Variants in NAPB observed in about 807,000 individuals in gnomAD.
NAPB encodes the protein beta-soluble NSF attachment protein.
A neutral mutation model predicts 44.7 loss-of-function variants in NAPB; 26 were observed. The observed-to-expected ratio is 0.58, with a 90% confidence interval of 0.43 to 0.81. The LOEUF (loss-of-function observed/expected upper bound fraction) is 0.81, where lower values mean the gene tolerates loss of function less well. Ranked by LOEUF, NAPB falls within the 30% of genes least tolerant of loss-of-function variation. NAPB has a pLI of 0.00. For missense variants in NAPB, 315 were observed against 356.4 expected (o/e 0.88, Z 0.94); for synonymous variants, 120 against 116.8 (o/e 1.03, Z -0.18).
intron 1 of NAPB, among the ~76,000 whole-genome samples, chr20:23,404,608 T>C (rs1985101407): frequency 6.6e-6 from 1 of 152,242 alleles, no homozygotes. Context: ...GGAGTTATTA[T>C]GAGGATCAAA....
At chr20:23,391,754 C>T (rs1052149475) in intron 5 of NAPB, among the ~76,000 whole-genome samples, 2 of 152,312 alleles carry the variant, frequency 1.3e-5, no homozygotes, top group South Asian at 4.1e-4. Flanking sequence ...ATAATTTTTA[C>T]ACGTCGCAAA....
chr20:23,391,069 C>T (rs569307106), intron 5 of NAPB, among the ~76,000 whole-genome samples: 14 of 152,272 alleles, frequency 9.2e-5, no homozygotes, highest in Non-Finnish European at 2.1e-4. Context: ...AATCCCAGCA[C>T]TTTTGGAGGC....
At position 23,421,477 on chromosome 20, in the gene NAPB, G is replaced by C; in HGVS notation, c.-75C>G. 7.4e-7 allele frequency: 1 copy of C among 1,359,054 alleles called. No homozygotes were observed. The highest frequency in any genetic ancestry group is 9.9e-7 in the Non-Finnish European group (1 of 1,007,158). The allele number at this position is 1,359,054 out of a possible 1,614,324, so 84.2% of individuals were successfully genotyped here. ...CAGGCGCCTTAACCCTCCCTCTGGC[G>C]GCCGCAGGGACGCAGGCGCAGGCGC... On this transcript the variant is annotated 5_prime_UTR_variant, in exon 1 of 11. Coordinates refer to ENST00000377026, the MANE Select transcript of NAPB (RefSeq NM_022080.3).
intron 10 of NAPB, 115 bp from the exon 11 acceptor site, chr20:23,377,601 T>A: frequency 2.2e-6 from 1 of 455,128 alleles, no homozygotes; most frequent in Non-Finnish European, 3.7e-6. Flanking sequence ...ACTTTCTTCA[T>A]CATTTGAAAT....
At chr20:23,408,381 T>C (rs1213808735) in intron 1 of NAPB, among the ~76,000 whole-genome samples, 1 of 152,246 alleles carries the variant, frequency 6.6e-6, no homozygotes, top group Non-Finnish European at 1.5e-5. Context: ...AGTGTCTGGA[T>C]GGAACAAACT....
intron 5 of NAPB, among the ~76,000 whole-genome samples, chr20:23,390,519 G>A (rs1275932253): frequency 6.6e-6 from 1 of 152,210 alleles, no homozygotes; most frequent in African/African-American, 2.4e-5. Context: ...CCTCCATAGT[G>A]AGGGGCAGCC....
At chr20:23,402,552 T>C (rs2123219936) in intron 2 of NAPB, among the ~76,000 whole-genome samples, 1 of 152,318 alleles carries the variant, frequency 6.6e-6, no homozygotes, top group South Asian at 2.1e-4. Flanking sequence ...AGTTATTGCG[T>C]AGCAGGGAAT....
Position 23,421,449 on chromosome 20 carries a change from G to A in NAPB, c.-47C>T. On this transcript the variant is annotated 5_prime_UTR_variant, in exon 1 of 11. Coordinates refer to ENST00000377026, the MANE Select transcript of NAPB (RefSeq NM_022080.3). ...AGCCCCCTCAGCCGGCTCGCTGTGC[G>A]CCCAGGCGCCTTAACCCTCCCTCTG... 1 of 1,510,934 alleles carries A rather than the reference G, an allele frequency of 6.6e-7. No individual in the cohort carries two copies. Among genetic ancestry groups the A allele is most frequent in the African/African-American group, 1.4e-5 (1 of 70,612 alleles). 93.6% of individuals were successfully genotyped at this position (1,510,934 alleles called of 1,614,324 possible).
At chr20:23,388,752 T>C (rs1983717343) in intron 7 of NAPB, among the ~76,000 whole-genome samples, 1 of 152,024 alleles carries the variant, frequency 6.6e-6, no homozygotes, top group Non-Finnish European at 1.5e-5. Context: ...TATACAAAAA[T>C]TAACTCAAAA....
chr20:23,420,461 T>A (rs1190914620), intron 1 of NAPB, among the ~76,000 whole-genome samples: 2 of 152,086 alleles, frequency 1.3e-5, no homozygotes, highest in African/African-American at 4.8e-5. Context: ...GCACACCAGC[T>A]CTGGATCCCT....
intron 7 of NAPB, among the ~76,000 whole-genome samples, chr20:23,382,315 T>C (rs1983075291): frequency 7.6e-6 from 1 of 132,430 alleles, no homozygotes; most frequent in Admixed American, 7.6e-5. Flanking sequence ...GCCAGAGGAA[T>C]GTCAAAGAAG....
Position 23,377,326 on chromosome 20 carries a change from A to C in NAPB, c.*50T>G. ...CATCCCATAAAGATCACTTGACCCT[A>C]AGACAAAACTAAAGAGGAGTTAGCT... On this transcript the variant is annotated 3_prime_UTR_variant, in exon 11 of 11. Transcript: ENST00000377026. The C allele has an allele frequency of 7.9e-7, 1 of 1,267,638 alleles. No homozygotes were observed. Among genetic ancestry groups the C allele is most frequent in the Non-Finnish European group, 1.1e-6 (1 of 895,786 alleles). 78.5% of individuals were successfully genotyped at this position (1,267,638 alleles called of 1,614,324 possible).
rs1005556358 is a variant in NAPB at position 23,375,631 on chromosome 20, C to T, written c.*1745G>A. ...GGTCTTACCTCTAGAAGACAGCCAG[C>T]TCTCATTTAAGAATCTCAGAACTTG... On this transcript the variant is annotated 3_prime_UTR_variant, in exon 11 of 11. Coordinates refer to ENST00000377026, the MANE Select transcript of NAPB (RefSeq NM_022080.3). 2 of 152,214 alleles carry T rather than the reference C, an allele frequency of 1.3e-5. No individual in the cohort carries two copies. Among genetic ancestry groups the T allele is most frequent in the Non-Finnish European group, 2.9e-5 (2 of 68,058 alleles). The allele number at this position is 152,214 out of a possible 1,614,324, so 9.4% of individuals were successfully genotyped here.
In NAPB at chr20:23,377,127, G is replaced by C. The variant is rs980420038; in HGVS notation, c.*249C>G. 7.4e-6 allele frequency: 2 copies of C among 269,190 alleles called. No individual in the cohort carries two copies. The highest frequency in any genetic ancestry group is 1.4e-5 in the Non-Finnish European group (2 of 143,524). 16.7% of individuals were successfully genotyped at this position (269,190 alleles called of 1,614,324 possible). A position where few individuals can be genotyped will look rare whatever the true frequency, so the allele number is the denominator to read the frequency against. ...AATGAAATATGAGGAATGAGATTCT[G>C]AAGTACTTCTCAGAAAACGCTGGGG... On this transcript the variant is annotated 3_prime_UTR_variant, in exon 11 of 11. Transcript: ENST00000377026.
chr20:23,392,445 T>C (rs1047263793), intron 5 of NAPB, among the ~76,000 whole-genome samples: 9 of 152,078 alleles, frequency 5.9e-5, no homozygotes, highest in African/African-American at 2.2e-4. Context: ...ATGGGAGGAC[T>C]GCTTGAGTCC....
At position 23,381,204 on chromosome 20, in the gene NAPB, ACTC is replaced by A. The variant is rs1348527189; in HGVS notation, c.666+6_666+8del. 7 of 1,592,332 alleles carry A rather than the reference ACTC, an allele frequency of 4.4e-6. No homozygotes were observed. The highest frequency in any genetic ancestry group is 6.0e-6 in the Non-Finnish European group (7 of 1,160,590). On this transcript the variant is annotated splice_donor_region_variant and intron_variant, in intron 8 of 10. Coordinates refer to ENST00000377026, the MANE Select transcript of NAPB (RefSeq NM_022080.3). ...GAAATCAGTCAATCAATGCTGAAGA[ACTC>A]CTTACCTTGGCATTCAACTCGTCTA...
Position 23,376,315 on chromosome 20 carries a change from C to CAGCT in NAPB, c.*1057_*1060dup, listed in dbSNP as rs1389720199. 2.0e-5 allele frequency: 3 copies of CAGCT among 152,194 alleles called. No homozygotes were observed. Among genetic ancestry groups the CAGCT allele is most frequent in the African/African-American group, 7.2e-5 (3 of 41,436 alleles). The allele number at this position is 152,194 out of a possible 1,614,324, so 9.4% of individuals were successfully genotyped here. A position where few individuals can be genotyped will look rare whatever the true frequency, so the allele number is the denominator to read the frequency against. On this transcript the variant is annotated 3_prime_UTR_variant, in exon 11 of 11. Coordinates refer to ENST00000377026, the MANE Select transcript of NAPB (RefSeq NM_022080.3). The stretch of plus-strand genomic sequence containing the variant: ...AAACACATAAGCCAACATATTCCAC[C>CAGCT]AGCTAAGAGAACAATCAAGTCCCCT...
rs191444743 is a variant in NAPB at position 23,410,159 on chromosome 20, C to T, written c.99-7087G>A. 9.2e-5 allele frequency among the ~76,000 whole-genome samples: 14 copies of T among 152,328 alleles called. No homozygotes were observed. In the East Asian group the frequency reaches 2.5e-3, roughly 27 times the overall value. On this transcript the variant is annotated intron_variant, in intron 1 of 10. Coordinates refer to ENST00000377026, the MANE Select transcript of NAPB (RefSeq NM_022080.3). ...GGAAAGAAGGCAAGTGATGGAAATA[C>T]GTTCTTGAAACAAAAGAGTATCACA...
At position 23,379,484 on chromosome 20, in the gene NAPB, T is replaced by C. The variant is rs1329190811; in HGVS notation, c.747A>G (p.Glu249=). 3.1e-6 allele frequency: 5 copies of C among 1,607,386 alleles called. No homozygotes were observed. Among genetic ancestry groups the C allele is most frequent in the Middle Eastern group, 1.7e-4 (1 of 6,046 alleles). Residue 249 remains glutamate (E), a synonymous_variant, in exon 10 of 11, where the codon GAA becomes GAG. Transcript: ENST00000377026. ...RECKLLKKLL[E]AHEEQNSEAY... Reference sequence around the variant, plus strand: ...CTTCACTGTTCTGTTCTTCATGAGCTTCTAGGAGTTTCTGGTAGCATAAAA... The same window carrying C: ...CTTCACTGTTCTGTTCTTCATGAGCCTCTAGGAGTTTCTGGTAGCATAAAA...
Sources: gnomAD v4.1 joint callset for allele counts (sites outside exome capture counted in the v4.1 genomes callset) on GRCh38, gnomAD v4.1.1 for gene constraint, MANE v1.5 for transcripts, NCBI Gene and HGNC (gene_info 2026-07-23, HGNC 2026-07-21) for gene names.